The following LBHD1 variants were observed in gnomAD, a reference collection of about 807,000 sequenced individuals.
The protein encoded by LBHD1 is LBH domain containing 1, also known as LBH domain-containing protein 1.
A neutral mutation model predicts 31.1 loss-of-function variants in LBHD1; 28 were observed. The observed-to-expected ratio is 0.90, with a 90% CI of 0.67 to 1.24. LBHD1 has a LOEUF of 1.24. Ranked by LOEUF, LBHD1 falls within the 50% of genes most tolerant of loss-of-function variation. The pLI, the probability that LBHD1 is intolerant of heterozygous loss-of-function variation, is 0.00. For synonymous variants in LBHD1, 105 were observed against 116.5 expected (o/e 0.90, Z 0.63); for missense variants, 350 against 323.0 (o/e 1.08, Z -0.64).
At chr11:62,665,440 G>C in intron 4 of LBHD1, 1 of 1,552,522 alleles carries the variant, frequency 6.4e-7, no homozygotes, top group South Asian at 1.1e-5. Context: ...TCTTGGCGGG[G>C]ATCGGGCTTG....
chr11:62,671,989 G>A lies in LBHD1; in HGVS notation c.-436C>T. 6.2e-7 allele frequency: 1 copy of A among 1,613,972 alleles called. No individual in the cohort carries two copies. Among genetic ancestry groups the A allele is most frequent in the South Asian group, 1.1e-5 (1 of 91,080 alleles). Reference sequence around the variant, plus strand: ...GCAGGACCCAAGGAGCAGGGAGGAGGCGGCCAGGACCCAGCAGCTATTGCT... The same window carrying A: ...GCAGGACCCAAGGAGCAGGGAGGAGACGGCCAGGACCCAGCAGCTATTGCT... On this transcript the variant is annotated 5_prime_UTR_variant, in exon 1 of 7. Transcript: ENST00000354588.
At position 62,665,866 on chromosome 11, in the gene LBHD1, A is replaced by AG. The variant is rs755239414; in HGVS notation, c.539-894_539-893insC. 19 of 1,612,142 alleles carry AG rather than the reference A, an allele frequency of 1.2e-5. 1 individual carries two copies. The highest frequency in any genetic ancestry group is 1.1e-4 in the South Asian group (10 of 90,982). On this transcript the variant is annotated intron_variant, in intron 4 of 6. Coordinates refer to ENST00000354588, the MANE Select transcript of LBHD1 (RefSeq NM_024099.5). The stretch of plus-strand genomic sequence containing the variant: ...CACATAAGCTTCTCTGGTCGAACTT[A>AG]CCCGAATCTCCAGATGGCCGCGCTG...
In LBHD1 at chr11:62,671,885, C is replaced by T. The variant is rs1175313435; in HGVS notation, c.-332G>A. The T allele has an allele frequency of 6.2e-7, 1 of 1,613,812 alleles. No homozygotes were observed. ...CTAAAGGTAGAAGCAACTGGTAGTC[C>T]CGAGGAAGGGTGGGCGGGTGGAGAG... is the stretch of plus-strand genomic sequence containing the variant. On this transcript the variant is annotated 5_prime_UTR_variant, in exon 1 of 7. Transcript: ENST00000354588.
intron 1 of LBHD1, 143 bp from the exon 2 acceptor site, chr11:62,670,184 A>C: frequency 1.2e-6 from 1 of 827,314 alleles, no homozygotes; most frequent in Non-Finnish European, 1.8e-6. Flanking sequence ...GGAGGGGAAA[A>C]TGCCCAAGAG....
Position 62,662,820 on chromosome 11 carries a change from G to T in LBHD1, c.*309C>A. 1.9e-6 allele frequency: 1 copy of T among 519,876 alleles called. No homozygotes were observed. The highest frequency in any genetic ancestry group is 2.0e-5 in the African/African-American group (1 of 50,922). 32.2% of individuals were successfully genotyped at this position (519,876 alleles called of 1,614,324 possible). ...CCTACATTTAATCACACACATCTCAGAGTGCTAGGGCTTTATTACAAATGG... is the reference window on the plus strand; with the variant it reads ...CCTACATTTAATCACACACATCTCATAGTGCTAGGGCTTTATTACAAATGG... On this transcript the variant is annotated 3_prime_UTR_variant, in exon 7 of 7. Coordinates refer to ENST00000354588, the MANE Select transcript of LBHD1 (RefSeq NM_024099.5).
Position 62,670,163 on chromosome 11 carries a change from A to C in LBHD1, c.-10-122T>G, listed in dbSNP as rs1466772379. 10 of 1,051,208 alleles carry C rather than the reference A, an allele frequency of 9.5e-6. No individual in the cohort carries two copies. In the African/African-American group the frequency reaches 1.4e-4, roughly 15 times the overall value. The allele number at this position is 1,051,208 out of a possible 1,614,324, so 65.1% of individuals were successfully genotyped here. On this transcript the variant is annotated intron_variant, in intron 1 of 6. Transcript: ENST00000354588. ...AGCACCGACTGTGCTAAGCGATTAT[A>C]CGCTTTCAGGGGAGGGGAAAATGCC...
intron 3 of LBHD1, among the ~76,000 whole-genome samples, chr11:62,668,702 CT>C (rs1944884705): frequency 1.3e-5 from 2 of 150,764 alleles, no homozygotes; most frequent in South Asian, 4.2e-4. Context: ...ACTCGGGAGG[CT>C]GAGGCAGGAG....
In LBHD1 at chr11:62,663,236, C is replaced by A; in HGVS notation, c.761G>T (p.Ser254Ile). ...TCACCCACCTCTGTCCCAGCCTCAC[C>A]TTCCATGGCTGTCTTCTCTTTCTGG... is the stretch of plus-strand genomic sequence containing the variant. The part of the protein sequence containing the change: ...ACPEREDSHG[S>I]GSPFKASQD The change falls in exon 6 of 7, where the codon AGT becomes ATT. Residue 254 changes from serine to isoleucine, a missense_variant and splice_region_variant. Coordinates refer to ENST00000354588, the MANE Select transcript of LBHD1 (RefSeq NM_024099.5). The A allele has an allele frequency of 3.1e-6, 5 of 1,614,160 alleles. No homozygotes were observed. Among genetic ancestry groups the A allele is most frequent in the Non-Finnish European group, 4.2e-6 (5 of 1,180,020 alleles).
In LBHD1 at chr11:62,667,674, G is replaced by T. The variant is rs1001255103; in HGVS notation, c.387C>A (p.Asp129Glu). 16 of 1,614,030 alleles carry T rather than the reference G, an allele frequency of 9.9e-6. No individual in the cohort carries two copies. Among genetic ancestry groups the T allele is most frequent in the African/African-American group, 1.3e-5 (1 of 74,916 alleles). Residue 129 changes from aspartate (D) to glutamate (E), a missense_variant, in exon 4 of 7, where the codon GAC becomes GAA. Transcript: ENST00000354588. The stretch of plus-strand genomic sequence containing the variant: ...TCCAACAAGCATCTTCTTCATCCTG[G>T]TCCTGCCCCCAGCTGAGTCCAGCGT... Reference protein sequence around the residue: ...TFNAGLSWGQDQDEEDACWIL... With the variant: ...TFNAGLSWGQEQDEEDACWIL...
chr11:62,666,360 CAT>C lies in LBHD1; in HGVS notation c.538+1161_538+1162del, dbSNP rs771281923. 8 of 1,600,514 alleles carry C rather than the reference CAT, an allele frequency of 5.0e-6. No individual in the cohort carries two copies. The African/African-American group carries it at 1.1e-4, about 21-fold the overall frequency. ...ATATACGACGTTTTTGCAGTGGCGA[CAT>C]AGACCAAGTGACACCCTCCAACCGT... On this transcript the variant is annotated intron_variant, in intron 4 of 6. Transcript: ENST00000354588.
intron 3 of LBHD1, among the ~76,000 whole-genome samples, chr11:62,669,027 C>T (rs1426235664): frequency 6.6e-6 from 1 of 151,262 alleles, no homozygotes; most frequent in African/African-American, 2.4e-5. Flanking sequence ...CCCGGGTTCA[C>T]GCCATTCTCC....
chr11:62,663,752 C>T (rs533170905), intron 5 of LBHD1, among the ~76,000 whole-genome samples: 3 of 149,676 alleles, frequency 2.0e-5, no homozygotes, highest in Middle Eastern at 6.9e-3. Flanking sequence ...TAATAGAAAC[C>T]CTAAATATTT....
chr11:62,665,193 C>A lies in LBHD1; in HGVS notation c.539-220G>T, dbSNP rs916487860. 4.9e-6 allele frequency: 4 copies of A among 809,408 alleles called. No individual in the cohort carries two copies. In the African/African-American group the frequency reaches 5.1e-5, roughly 10 times the overall value. 50.1% of individuals were successfully genotyped at this position (809,408 alleles called of 1,614,324 possible). A position where few individuals can be genotyped will look rare whatever the true frequency, so the allele number is the denominator to read the frequency against. The stretch of plus-strand genomic sequence containing the variant: ...ATAGTCGCGATTCCACTCCAGTTCA[C>A]GGTCCGTACTTCCGCTCAGCGCCGG... On this transcript the variant is annotated intron_variant, in intron 4 of 6. Coordinates refer to ENST00000354588, the MANE Select transcript of LBHD1 (RefSeq NM_024099.5).
intron 4 of LBHD1, chr11:62,666,213 A>G (rs1411038119): frequency 5.4e-6 from 4 of 737,732 alleles, no homozygotes; most frequent in Admixed American, 5.1e-5. Flanking sequence ...GATGGCGCCT[A>G]TAGTCCTAGC....
Position 62,665,622 on chromosome 11 carries a change from C to T in LBHD1, c.539-649G>A, listed in dbSNP as rs534609307. 77 of 1,535,894 alleles carry T rather than the reference C, an allele frequency of 5.0e-5. No homozygotes were observed. In the Middle Eastern group the frequency reaches 1.0e-3, roughly 21 times the overall value. On this transcript the variant is annotated intron_variant, in intron 4 of 6. Coordinates refer to ENST00000354588, the MANE Select transcript of LBHD1 (RefSeq NM_024099.5). ...TCCAGCTGGCTCCTCCATCGGGGTG[C>T]TCACACTTTCTCATTTGATTTCAGG...
intron 4 of LBHD1, chr11:62,666,495 G>A (rs763451990): frequency 1.9e-6 from 3 of 1,614,102 alleles, no homozygotes; most frequent in Non-Finnish European, 2.5e-6. Flanking sequence ...TGGTTCTTTG[G>A]ATACGACGAA....
chr11:62,669,350 T>C, intron 3 of LBHD1: 1 of 964,594 alleles, frequency 1.0e-6, no homozygotes, highest in Non-Finnish European at 1.2e-6. Context: ...TGAGCTGAGA[T>C]CGCGCCACTG....
chr11:62,665,344 T>C (rs1384174525), intron 4 of LBHD1: 4 of 805,754 alleles, frequency 5.0e-6, no homozygotes, highest in African/African-American at 3.4e-5. Context: ...TAAGTGTGGT[T>C]TTAGCTGTAG....
At chr11:62,664,191 C>T (rs1275460300) in intron 5 of LBHD1, among the ~76,000 whole-genome samples, 1 of 151,484 alleles carries the variant, frequency 6.6e-6, no homozygotes, top group Non-Finnish European at 1.5e-5. Context: ...CTATGAGTGC[C>T]TTTGGGAAAA....
Sources: allele counts gnomAD v4.1 joint callset (sites outside exome capture counted in the v4.1 genomes callset), GRCh38; gene constraint gnomAD v4.1.1; transcripts MANE v1.5; gene names NCBI Gene and HGNC (gene_info 2026-07-23, HGNC 2026-07-21).